FARS2: variants seen among roughly 807,000 people sequenced by gnomAD.
FARS2 encodes phenylalanyl-tRNA synthetase 2, mitochondrial, also known as phenylalanine--tRNA ligase, mitochondrial.
FARS2 carries 40 observed loss-of-function variants against 46.4 expected under a neutral mutation model. That is an observed-to-expected ratio of 0.86 (90% confidence interval 0.67 to 1.12). The LOEUF (loss-of-function observed/expected upper bound fraction) is 1.12, where lower values mean the gene tolerates loss of function less well. FARS2 is among the 50% of genes most tolerant of loss of function. The pLI, the probability that FARS2 is intolerant of heterozygous loss-of-function variation, is 0.00. For synonymous variants in FARS2, 234 were observed against 214.9 expected (o/e 1.09, Z -0.78); for missense variants, 513 against 567.9 (o/e 0.90, Z 0.98).
At chr6:5,689,638 A>G (rs1054976956) in intron 6 of FARS2, among the ~76,000 whole-genome samples, 1 of 151,962 alleles carries the variant, frequency 6.6e-6, no homozygotes, top group African/African-American at 2.4e-5. Flanking sequence ...CAATTTTGGA[A>G]TAGGTGTGGT....
intron 1 of FARS2, among the ~76,000 whole-genome samples, chr6:5,341,220 T>G (rs1318580985): frequency 3.9e-4 from 3 of 7,692 alleles, no homozygotes; most frequent in South Asian, 6.5e-3. Flanking sequence ...TATATATATA[T>G]ATATATATAT....
At chr6:5,295,205 C>T (rs1001594076) in intron 1 of FARS2, among the ~76,000 whole-genome samples, 1 of 152,112 alleles carries the variant, frequency 6.6e-6, no homozygotes, top group African/African-American at 2.4e-5. Context: ...CCGTCATATA[C>T]GTTATATCCT....
intron 6 of FARS2, among the ~76,000 whole-genome samples, chr6:5,693,201 C>A (rs1290608188): frequency 6.6e-6 from 1 of 152,168 alleles, no homozygotes; most frequent in Non-Finnish European, 1.5e-5. Context: ...GTTAAACAGC[C>A]ACAGAGACAA....
intron 5 of FARS2, among the ~76,000 whole-genome samples, chr6:5,576,844 A>T (rs984546190): frequency 9.3e-5 from 14 of 151,224 alleles, no homozygotes; most frequent in African/African-American, 2.4e-4. Context: ...ATTTTTTTTT[A>T]ATTTTGAACC....
chr6:5,658,591 C>T (rs1046341938), intron 6 of FARS2, among the ~76,000 whole-genome samples: 14 of 152,140 alleles, frequency 9.2e-5, no homozygotes, highest in Non-Finnish European at 1.8e-4. Flanking sequence ...GTATATGGCA[C>T]AGCATTTTAT....
At chr6:5,315,961 G>A (rs964184536) in intron 1 of FARS2, among the ~76,000 whole-genome samples, 5 of 152,354 alleles carry the variant, frequency 3.3e-5, no homozygotes, top group Admixed American at 6.5e-5. Context: ...GGAGAAGCAC[G>A]TAGTGCTGAT....
At chr6:5,703,219 C>CT (rs1351174738) in intron 6 of FARS2, among the ~76,000 whole-genome samples, 1 of 152,214 alleles carries the variant, frequency 6.6e-6, no homozygotes, top group Non-Finnish European at 1.5e-5. Flanking sequence ...GATTTTCACA[C>CT]TGTTGTGATT....
Position 5,688,008 on chromosome 6 carries a change from T to C in FARS2, c.1217+74688T>C, listed in dbSNP as rs555871398. On this transcript the variant is annotated intron_variant, in intron 6 of 6. Coordinates refer to ENST00000274680, the MANE Select transcript of FARS2 (RefSeq NM_006567.5). ...ATGATTTGGCTCTCTGTTTGTCTGT[T>C]ATTGGTGCATAAGAATACTTGTGAT... 9.1e-4 allele frequency among the ~76,000 whole-genome samples: 138 copies of C among 152,324 alleles called. 4 individuals are homozygous for C. The South Asian group carries it at 0.011, about 12-fold the overall frequency.
At chr6:5,688,944 C>T (rs1212647615) in intron 6 of FARS2, among the ~76,000 whole-genome samples, 5 of 152,112 alleles carry the variant, frequency 3.3e-5, no homozygotes, top group Admixed American at 2.0e-4. Flanking sequence ...GTGTATGTGT[C>T]GAGGAATTTA....
At chr6:5,599,375 C>G (rs2150628640) in intron 5 of FARS2, among the ~76,000 whole-genome samples, 1 of 152,312 alleles carries the variant, frequency 6.6e-6, no homozygotes, top group South Asian at 2.1e-4. Flanking sequence ...CACAGATGGG[C>G]AAACCTCCTG....
chr6:5,305,729 G>A (rs181564266), intron 1 of FARS2, among the ~76,000 whole-genome samples: 31 of 152,276 alleles, frequency 2.0e-4, no homozygotes, highest in Admixed American at 7.8e-4. Context: ...AGAACTTGGC[G>A]TACTTGTTTT....
intron 1 of FARS2, among the ~76,000 whole-genome samples, chr6:5,303,221 G>A (rs1581733671): frequency 6.6e-6 from 1 of 152,080 alleles, no homozygotes; most frequent in Admixed American, 6.5e-5. Context: ...GTGGGGAAGT[G>A]AAGGTATAGA....
chr6:5,333,091 T>G (rs1220241782), intron 1 of FARS2, among the ~76,000 whole-genome samples: 1 of 152,198 alleles, frequency 6.6e-6, no homozygotes, highest in Non-Finnish European at 1.5e-5. Flanking sequence ...TGAATCGCCT[T>G]GACATTTTTC....
At position 5,709,708 on chromosome 6, in the gene FARS2, G is replaced by A. The variant is rs1300233204; in HGVS notation, c.1218-61583G>A. Among the ~76,000 whole-genome samples, 9 of 93,858 alleles carry A rather than the reference G, an allele frequency of 9.6e-5. No homozygotes were observed. The East Asian group carries it at 2.2e-3, about 23-fold the overall frequency. 61.6% of individuals were successfully genotyped at this position (93,858 alleles called of 152,430 possible). ...TGTGTGTGTGTGTGTGCGCATGCACGTGCATGTTGGGGGGGGTGGGGTTGT... is the reference window on the plus strand; with the variant it reads ...TGTGTGTGTGTGTGTGCGCATGCACATGCATGTTGGGGGGGGTGGGGTTGT... On this transcript the variant is annotated intron_variant, in intron 6 of 6. Transcript: ENST00000274680.
At chr6:5,279,580 A>G (rs1766585295) in intron 1 of FARS2, among the ~76,000 whole-genome samples, 2 of 148,696 alleles carry the variant, frequency 1.3e-5, no homozygotes, top group South Asian at 2.1e-4. Flanking sequence ...GTGTGTATAT[A>G]TATATATTTT....
At chr6:5,555,533 G>C (rs184280973) in intron 5 of FARS2, among the ~76,000 whole-genome samples, 25 of 152,214 alleles carry the variant, frequency 1.6e-4, no homozygotes, top group Admixed American at 2.6e-4. Flanking sequence ...GCTTGGAATA[G>C]CTTCTAGATC....
chr6:5,297,730 T>C lies in FARS2; in HGVS notation c.-22+36070T>C, dbSNP rs1230180346. ...ACGAAACTAAGCTTTGCATATTTTA[T>C]GACTTTTTCCTGCCTTTCCAAATTT... is the stretch of plus-strand genomic sequence containing the variant. On this transcript the variant is annotated intron_variant, in intron 1 of 6. Coordinates refer to ENST00000274680, the MANE Select transcript of FARS2 (RefSeq NM_006567.5). Among the ~76,000 whole-genome samples, 6 of 152,242 alleles carry C rather than the reference T, an allele frequency of 3.9e-5. No homozygotes were observed. The East Asian group carries it at 1.2e-3, about 29-fold the overall frequency.
chr6:5,367,054 C>T (rs1452329226), intron 1 of FARS2, among the ~76,000 whole-genome samples: 1 of 152,230 alleles, frequency 6.6e-6, no homozygotes, highest in African/African-American at 2.4e-5. Context: ...CCCATGATGA[C>T]AGTCTCAGAC....
intron 4 of FARS2, among the ~76,000 whole-genome samples, chr6:5,455,203 GATGGTTA>G (rs1382433195): frequency 6.6e-6 from 1 of 152,178 alleles, no homozygotes; most frequent in African/African-American, 2.4e-5. Context: ...TTACCCTGCA[GATGGTTA>G]CCAAGCAGCT....
Sources: gnomAD v4.1 joint callset for allele counts (sites outside exome capture counted in the v4.1 genomes callset) on GRCh38, gnomAD v4.1.1 for gene constraint, MANE v1.5 for transcripts, NCBI Gene and HGNC (gene_info 2026-07-23, HGNC 2026-07-21) for gene names.